LCMT2: variants seen among roughly 807,000 people sequenced by gnomAD.
The protein encoded by LCMT2 is leucine carboxyl methyltransferase 2, also known as tRNA wybutosine-synthesizing protein 4.
A neutral mutation model predicts 42.0 loss-of-function variants in LCMT2; 34 were observed. That is an observed-to-expected ratio of 0.81 (90% CI 0.62 to 1.08). The LOEUF is 1.08. LCMT2 is among the 50% of genes least tolerant of loss of function. The pLI, the probability that LCMT2 is intolerant of heterozygous loss-of-function variation, is 0.00. For missense variants in LCMT2, 1,091 were observed against 889.4 expected, an observed-to-expected ratio of 1.23 and a Z score of -2.88; for synonymous variants, 445 against 369.5, an observed-to-expected ratio of 1.20 and a Z score of -2.34.
At position 43,324,802 on chromosome 15, in the gene LCMT2, C is replaced by T. The variant is rs2043109278; in HGVS notation, c.*3627G>A. ...GGGGCAGTCATATAGGGCTGTTTTC[C>T]AGGAGATGACATGTGGGATAAGTCC... On this transcript the variant is annotated 3_prime_UTR_variant, in exon 1 of 1. Transcript: ENST00000305641. 1 of 152,204 alleles carries T rather than the reference C, an allele frequency of 6.6e-6. No individual in the cohort carries two copies. The highest frequency in any genetic ancestry group is 1.5e-5 in the Non-Finnish European group (1 of 68,074). 9.4% of individuals were successfully genotyped at this position (152,204 alleles called of 1,614,324 possible).
In LCMT2 at chr15:43,330,031, T is replaced by C. The variant is rs1427004343; in HGVS notation, c.459A>G (p.Ala153=). Residue 153 remains alanine, a synonymous_variant, in exon 1 of 1, where the codon GCA becomes GCG. Coordinates refer to ENST00000305641, the MANE Select transcript of LCMT2 (RefSeq NM_014793.5). ...EPASALCFES[A]DYCILGLDLR... ...AGTCCAGACCCAGGATGCAGTAGTC[T>C]GCGCTCTCAAAGCACAGCGCGGACG... The C allele has an allele frequency of 1.2e-6, 2 of 1,612,700 alleles. No homozygotes were observed. Among genetic ancestry groups the C allele is most frequent in the Non-Finnish European group, 8.5e-7 (1 of 1,179,946 alleles).
At position 43,328,834 on chromosome 15, in the gene LCMT2, G is replaced by C. The variant is rs753200551; in HGVS notation, c.1656C>G (p.Leu552=). The change falls in exon 1 of 1, where the codon CTC becomes CTG. Residue 552 remains leucine, a synonymous_variant. Transcript: ENST00000305641. The part of the protein sequence containing the change: ...WQGGALIAGG[L]GASEEPLNSV... ...AGTTCAATGGCTCCTCAGAAGCCCCGAGACCTCCAGCAATAAGGGCTCCCC... is the reference window on the plus strand; with the variant it reads ...AGTTCAATGGCTCCTCAGAAGCCCCCAGACCTCCAGCAATAAGGGCTCCCC... The C allele has an allele frequency of 1.9e-6, 3 of 1,613,526 alleles. No individual in the cohort carries two copies. The highest frequency in any genetic ancestry group is 1.7e-5 in the Admixed American group (1 of 60,016).
chr15:43,328,930 A>G lies in LCMT2; in HGVS notation c.1560T>C (p.Ala520=), dbSNP rs758404130. 4 of 1,614,064 alleles carry G rather than the reference A, an allele frequency of 2.5e-6. No homozygotes were observed. The highest frequency in any genetic ancestry group is 2.2e-5 in the East Asian group (1 of 44,898). Reference sequence around the variant, plus strand: ...CTCCCTCCACTGGGATCCTGACCCAAGCCATTGTCCCTACATGGAGGAAAT... The same window carrying G: ...CTCCCTCCACTGGGATCCTGACCCAGGCCATTGTCCCTACATGGAGGAAAT... ...DWHFLHVGTM[A]WVRIPVEGEV... The change falls in exon 1 of 1, where the codon GCT becomes GCC. Residue 520 remains alanine (A), a synonymous_variant. Transcript: ENST00000305641.
rs1384817811 is a variant in LCMT2 at position 43,327,673 on chromosome 15, C to A, written c.*756G>T. On this transcript the variant is annotated 3_prime_UTR_variant, in exon 1 of 1. Coordinates refer to ENST00000305641, the MANE Select transcript of LCMT2 (RefSeq NM_014793.5). ...GAACTCAACCAAAAAGTAAAGAGAG[C>A]TCCTTGATGCAGCCCATAAAGGTCA... 1 of 152,246 alleles carries A rather than the reference C, an allele frequency of 6.6e-6. No individual in the cohort carries two copies. The highest frequency in any genetic ancestry group is 1.5e-5 in the Non-Finnish European group (1 of 68,050). The allele number at this position is 152,246 out of a possible 1,614,324, so 9.4% of individuals were successfully genotyped here.
At position 43,330,201 on chromosome 15, in the gene LCMT2, A is replaced by T; in HGVS notation, c.289T>A (p.Phe97Ile). 6.2e-7 allele frequency: 1 copy of T among 1,611,746 alleles called. No individual in the cohort carries two copies. Among genetic ancestry groups the T allele is most frequent in the Non-Finnish European group, 8.5e-7 (1 of 1,179,868 alleles). ...SLGAGFDSLY[F>I]RLKTAGRLAR... ...AGGCGGCCCGCGGTTTTTAAGCGAAAATAGAGCGAGTCGAAGCCAGCGCCG... is the reference window on the plus strand; with the variant it reads ...AGGCGGCCCGCGGTTTTTAAGCGAATATAGAGCGAGTCGAAGCCAGCGCCG... The change falls in exon 1 of 1, where the codon TTT (phenylalanine) becomes ATT (isoleucine). Residue 97 changes from phenylalanine to isoleucine, a missense_variant. Transcript: ENST00000305641.
In LCMT2 at chr15:43,328,478, T is replaced by C. The variant is rs574867205; in HGVS notation, c.2012A>G (p.Asn671Ser). 7 of 1,613,820 alleles carry C rather than the reference T, an allele frequency of 4.3e-6. No homozygotes were observed. Among genetic ancestry groups the C allele is most frequent in the Non-Finnish European group, 5.9e-6 (7 of 1,179,992 alleles). ...GNCFSFGTYFNPHTVTLDLSS... is the reference protein window; with the variant it reads ...GNCFSFGTYFSPHTVTLDLSS... ...AAGGTCTAATGTGACTGTATGGGGG[T>C]TGAAGTAGGTACCAAAGGAAAAGCA... is the stretch of plus-strand genomic sequence containing the variant. The change falls in exon 1 of 1, where the codon AAC becomes AGC. Residue 671 changes from asparagine (N) to serine (S), a missense_variant. By Grantham distance (46) the Asn-to-Ser change is conservative. Coordinates refer to ENST00000305641, the MANE Select transcript of LCMT2 (RefSeq NM_014793.5).
At position 43,330,330 on chromosome 15, in the gene LCMT2, G is replaced by A. The variant is rs376944404; in HGVS notation, c.160C>T (p.Arg54Ter). ...GAARRAPLIH[R>*]GYYVRARAVR... is the part of the protein sequence containing the mutation. ...GCGCGTGCGCGGACGTAGTAGCCTC[G>A]GTGAATGAGCGGTGCGCGGCGCGCC... The change falls in exon 1 of 1, where the codon CGA (arginine) becomes TGA (stop). Residue 54 changes from arginine (R) to a stop codon, truncating the protein, a stop_gained. Coordinates refer to ENST00000305641, the MANE Select transcript of LCMT2 (RefSeq NM_014793.5). LOFTEE classifies it low-confidence loss of function (END_TRUNC). The A allele has an allele frequency of 1.5e-5, 24 of 1,602,304 alleles. No individual in the cohort carries two copies. The highest frequency in any genetic ancestry group is 1.7e-4 in the Middle Eastern group (1 of 6,052).
In LCMT2 at chr15:43,328,740, T is replaced by TA; in HGVS notation, c.1749dup (p.Thr584TyrfsTer43). 2 of 1,613,836 alleles carry TA rather than the reference T, an allele frequency of 1.2e-6. No homozygotes were observed. Among genetic ancestry groups the TA allele is most frequent in the South Asian group, 2.2e-5 (2 of 91,070 alleles). On this transcript the variant is annotated frameshift_variant, in exon 1 of 1. Transcript: ENST00000305641. LOFTEE classifies it high-confidence loss of function. ...TGAGCTGTGTGGGAGTACCTTGGGG[T>TA]AATGGGAGGCTGGATGTCTACTGAC...
At position 43,327,646 on chromosome 15, in the gene LCMT2, T is replaced by A. The variant is rs45567940; in HGVS notation, c.*783A>T. Reference sequence around the variant, plus strand: ...ATTCCCCTCTGGTGCCTCTGACTGGTGGAACTCAACCAAAAAGTAAAGAGA... The same window carrying A: ...ATTCCCCTCTGGTGCCTCTGACTGGAGGAACTCAACCAAAAAGTAAAGAGA... On this transcript the variant is annotated 3_prime_UTR_variant, in exon 1 of 1. Transcript: ENST00000305641. The A allele has an allele frequency of 6.6e-6, 1 of 152,168 alleles. No homozygotes were observed. Among genetic ancestry groups the A allele is most frequent in the Admixed American group, 6.5e-5 (1 of 15,286 alleles). The allele number at this position is 152,168 out of a possible 1,614,324, so 9.4% of individuals were successfully genotyped here.
At position 43,326,263 on chromosome 15, in the gene LCMT2, G is replaced by C. The variant is rs1596471695; in HGVS notation, c.*2166C>G. 1 of 151,802 alleles carries C rather than the reference G, an allele frequency of 6.6e-6. No homozygotes were observed. The highest frequency in any genetic ancestry group is 1.5e-5 in the Non-Finnish European group (1 of 67,952). 9.4% of individuals were successfully genotyped at this position (151,802 alleles called of 1,614,324 possible). ...AGTAAACTTAGAAACAGGAAATACA[G>C]AACAGCCATTTTCTCCTGCTGATCA... On this transcript the variant is annotated 3_prime_UTR_variant, in exon 1 of 1. Transcript: ENST00000305641.
Position 43,330,155 on chromosome 15 carries a change from T to G in LCMT2, c.335A>C (p.Glu112Ala). Residue 112 changes from glutamate (E) to alanine (A), a missense_variant, in exon 1 of 1, where the codon GAG (glutamate) becomes GCG (alanine). Physicochemically the swap from Glu to Ala is moderately radical, Grantham distance 107. Transcript: ENST00000305641. The part of the protein sequence containing the change: ...AGRLARAAVW[E>A]VDFPDVARRK... ...CCGCGCCACGTCCGGAAAATCCACCTCCCAGACTGCAGCCCGGGCCAGGCG... is the reference window on the plus strand; with the variant it reads ...CCGCGCCACGTCCGGAAAATCCACCGCCCAGACTGCAGCCCGGGCCAGGCG... 6.2e-7 allele frequency: 1 copy of G among 1,611,050 alleles called. No individual in the cohort carries two copies. Among genetic ancestry groups the G allele is most frequent in the Non-Finnish European group, 8.5e-7 (1 of 1,179,716 alleles).
chr15:43,328,290 T>C lies in LCMT2; in HGVS notation c.*139A>G. The C allele has an allele frequency of 1.1e-6, 1 of 926,714 alleles. No individual in the cohort carries two copies. The highest frequency in any genetic ancestry group is 1.6e-6 in the Non-Finnish European group (1 of 618,458). 57.4% of individuals were successfully genotyped at this position (926,714 alleles called of 1,614,324 possible). A position where few individuals can be genotyped will look rare whatever the true frequency, so the allele number is the denominator to read the frequency against. ...ATTTTACCTATTTTACCAACCTTTTTCACTTTTTGCACTGAATAGTGCTAA... is the reference window on the plus strand; with the variant it reads ...ATTTTACCTATTTTACCAACCTTTTCCACTTTTTGCACTGAATAGTGCTAA... On this transcript the variant is annotated 3_prime_UTR_variant, in exon 1 of 1. Transcript: ENST00000305641.
chr15:43,327,881 G>GT lies in LCMT2; in HGVS notation c.*547dup, dbSNP rs1267634310. ...TGTTGGTAAAGGAAGTCCTACAAGT[G>GT]TTTCCTGTTGTTAAAACTATCCGAG... On this transcript the variant is annotated 3_prime_UTR_variant, in exon 1 of 1. Transcript: ENST00000305641. The GT allele has an allele frequency of 1.9e-5, 3 of 153,896 alleles. No homozygotes were observed. The highest frequency in any genetic ancestry group is 4.3e-5 in the Non-Finnish European group (3 of 69,154). The allele number at this position is 153,896 out of a possible 1,614,324, so 9.5% of individuals were successfully genotyped here.
At position 43,329,722 on chromosome 15, in the gene LCMT2, G is replaced by A. The variant is rs754063552; in HGVS notation, c.768C>T (p.Arg256=). ...CGGTCCAGCCAGCTTGAAGGAAGCG[G>A]CGCCGCTGCGCCTCCACGTCAGGAA... ...ERFPDVEAQR[R]RFLQAGWTAC... Residue 256 remains arginine, a synonymous_variant, in exon 1 of 1, where the codon CGC becomes CGT. Coordinates refer to ENST00000305641, the MANE Select transcript of LCMT2 (RefSeq NM_014793.5). 2 of 1,613,366 alleles carry A rather than the reference G, an allele frequency of 1.2e-6. No individual in the cohort carries two copies. The highest frequency in any genetic ancestry group is 1.1e-5 in the South Asian group (1 of 91,092).
chr15:43,328,193 G>A lies in LCMT2; in HGVS notation c.*236C>T. The A allele has an allele frequency of 4.2e-6, 2 of 480,202 alleles. No individual in the cohort carries two copies. The highest frequency in any genetic ancestry group is 3.3e-5 in the East Asian group (1 of 30,170). 29.7% of individuals were successfully genotyped at this position (480,202 alleles called of 1,614,324 possible). ...AACGAACTTAGATTAGAAAATTAGAGGCAGACCACTACTCCTCTCGGACTG... is the reference window on the plus strand; with the variant it reads ...AACGAACTTAGATTAGAAAATTAGAAGCAGACCACTACTCCTCTCGGACTG... On this transcript the variant is annotated 3_prime_UTR_variant, in exon 1 of 1. Transcript: ENST00000305641.
rs778502546 is a variant in LCMT2, at chr15:43,328,469, G to C, written c.2021C>G (p.Thr674Arg). 6.2e-7 allele frequency: 1 copy of C among 1,614,142 alleles called. No homozygotes were observed. Among genetic ancestry groups the C allele is most frequent in the South Asian group, 1.1e-5 (1 of 91,082 alleles). ...TAAGGAAGAAAGGTCTAATGTGACT[G>C]TATGGGGGTTGAAGTAGGTACCAAA... ...FSFGTYFNPH[T>R]VTLDLSSLSA... Residue 674 changes from threonine to arginine, a missense_variant, in exon 1 of 1, where the codon ACA becomes AGA. Physicochemically the swap from Thr to Arg is moderately conservative, Grantham distance 71. Coordinates refer to ENST00000305641, the MANE Select transcript of LCMT2 (RefSeq NM_014793.5).
At position 43,329,638 on chromosome 15, in the gene LCMT2, G is replaced by C. The variant is rs775465601; in HGVS notation, c.852C>G (p.Arg284=). The change falls in exon 1 of 1, where the codon CGC becomes CGG. Residue 284 remains arginine, a synonymous_variant. Coordinates refer to ENST00000305641, the MANE Select transcript of LCMT2 (RefSeq NM_014793.5). ...AGGGTTCAATATTTTCCACCCGCCG[G>C]CGTTCTTCTGCGGGAAGAAAGCAGT... ...FYHCFLPAEE[R]RRVENIEPFD... 3.7e-6 allele frequency: 6 copies of C among 1,614,016 alleles called. No homozygotes were observed. The highest frequency in any genetic ancestry group is 5.1e-6 in the Non-Finnish European group (6 of 1,180,026).
chr15:43,328,983 C>G lies in LCMT2; in HGVS notation c.1507G>C (p.Val503Leu), dbSNP rs1362073591. 1.2e-6 allele frequency: 2 copies of G among 1,614,090 alleles called. No homozygotes were observed. Among genetic ancestry groups the G allele is most frequent in the Admixed American group, 1.7e-5 (1 of 60,008 alleles). The change falls in exon 1 of 1, where the codon GTG becomes CTG. Residue 503 changes from valine to leucine, a missense_variant. Coordinates refer to ENST00000305641, the MANE Select transcript of LCMT2 (RefSeq NM_014793.5). The part of the protein sequence containing the change: ...EYLFVYGGRS[V>L]VEPVLSDWHF... ...CAGTCACTTAGTACAGGTTCCACCA[C>G]GCTTCGACCCCCATACACAAACAAA...
rs2043151167 is a variant in LCMT2, at chr15:43,329,531, G to T, written c.959C>A (p.Thr320Asn). The change falls in exon 1 of 1, where the codon ACC becomes AAC. Residue 320 changes from threonine to asparagine, a missense_variant. Physicochemically the swap from Thr to Asn is moderately conservative, Grantham distance 65. Transcript: ENST00000305641. ...TGCCTCTGAGGATGGAAACACTAGG[G>T]TGTGGGAGAGGGTGTCTCCCCTAGA... ...AASRGDTLSH[T>N]LVFPSSEAFP... is the part of the protein sequence containing the mutation. 6.2e-7 allele frequency: 1 copy of T among 1,614,198 alleles called. No individual in the cohort carries two copies. Among genetic ancestry groups the T allele is most frequent in the Non-Finnish European group, 8.5e-7 (1 of 1,180,032 alleles).
Sources: allele counts gnomAD v4.1 joint callset, GRCh38; gene constraint gnomAD v4.1.1; transcripts MANE v1.5; gene names NCBI Gene and HGNC (gene_info 2026-07-23, HGNC 2026-07-21).